PPP1R12A: variants seen among roughly 807,000 people sequenced by gnomAD.
PPP1R12A encodes myosin binding subunit.
Under a neutral mutation model 139.6 loss-of-function variants are expected in PPP1R12A, and 19 were observed. The ratio of observed to expected loss-of-function variants is 0.14; its 90% CI spans 0.09 to 0.20. PPP1R12A has a LOEUF of 0.20. Among genes scored for constraint, PPP1R12A ranks in the 10% least tolerant of loss-of-function variants. The pLI is 1.00. For synonymous variants in PPP1R12A, 427 were observed against 420.6 expected, an observed-to-expected ratio of 1.02 and a Z score of -0.19; for missense variants, 925 against 1,211.5, an observed-to-expected ratio of 0.76 and a Z score of 3.51.
chr12:79,918,503 T>C (rs775994381), intron 1 of PPP1R12A, among the ~76,000 whole-genome samples: 12 of 152,222 alleles, frequency 7.9e-5, no homozygotes, highest in Non-Finnish European at 1.2e-4. Context: ...TACTGCATGC[T>C]GTGAAAAGCA....
chr12:79,852,751 T>G (rs1382896801), intron 2 of PPP1R12A, among the ~76,000 whole-genome samples: 1 of 152,104 alleles, frequency 6.6e-6, no homozygotes, highest in East Asian at 1.9e-4. Flanking sequence ...TCCACTGACA[T>G]GTCTCTGGCT....
intron 1 of PPP1R12A, among the ~76,000 whole-genome samples, chr12:79,912,268 C>T (rs1886633105): frequency 6.6e-6 from 1 of 152,148 alleles, no homozygotes; most frequent in Admixed American, 6.5e-5. Flanking sequence ...TTATATTTTT[C>T]CTTCAAAATA....
Position 79,809,921 on chromosome 12 carries a change from C to T in PPP1R12A, c.1329G>A (p.Thr443=), listed in dbSNP as rs766705054. The T allele has an allele frequency of 9.3e-6, 15 of 1,613,320 alleles. No homozygotes were observed. The highest frequency in any genetic ancestry group is 2.7e-5 in the African/African-American group (2 of 74,892). The change falls in exon 10 of 25, where the codon ACG becomes ACA. Residue 443 remains threonine, a synonymous_variant. Transcript: ENST00000450142. ...PATWRLGLRK[T]GSYGALAEIT... ...TTTCAGCAAGTGCACCATAGCTGCC[C>T]GTCTTTCTAAGTCCTAACCTCCAAG...
intron 9 of PPP1R12A, among the ~76,000 whole-genome samples, chr12:79,816,915 T>C (rs1383067957): frequency 2.0e-5 from 3 of 152,186 alleles, no homozygotes; most frequent in Non-Finnish European, 4.4e-5. Flanking sequence ...TGCCTAGTGC[T>C]TTGTACTATG....
intron 2 of PPP1R12A, among the ~76,000 whole-genome samples, chr12:79,858,814 T>G (rs559775851): frequency 6.6e-6 from 1 of 151,420 alleles, no homozygotes. Context: ...TAGAAAAGAG[T>G]GGAGGATGGA....
At chr12:79,877,293 T>C (rs1883201136) in intron 1 of PPP1R12A, among the ~76,000 whole-genome samples, 1 of 152,126 alleles carries the variant, frequency 6.6e-6, no homozygotes, top group Non-Finnish European at 1.5e-5. Flanking sequence ...ATATAACAGA[T>C]GATAAAAGAA....
At chr12:79,914,720 G>A (rs1320564793) in intron 1 of PPP1R12A, among the ~76,000 whole-genome samples, 1 of 151,746 alleles carries the variant, frequency 6.6e-6, no homozygotes, top group Non-Finnish European at 1.5e-5. Flanking sequence ...TGGATCATTT[G>A]GTCCCTTTCC....
At chr12:79,933,709 A>G (rs541251954) in intron 1 of PPP1R12A, among the ~76,000 whole-genome samples, 2 of 152,348 alleles carry the variant, frequency 1.3e-5, no homozygotes, top group African/African-American at 4.8e-5. Context: ...GGCCTGTTAA[A>G]GGCAAGGCAA....
intron 2 of PPP1R12A, 149 bp from the exon 3 acceptor site, chr12:79,845,569 C>A (rs112133602): frequency 2.2e-4 from 131 of 587,674 alleles, no homozygotes; most frequent in African/African-American, 2.0e-3. Flanking sequence ...TCAGGCCAGG[C>A]GCAGTGGCTC....
At chr12:79,842,696 TTACC>T (rs1248400633) in intron 3 of PPP1R12A, among the ~76,000 whole-genome samples, 2 of 151,538 alleles carry the variant, frequency 1.3e-5, no homozygotes, top group African/African-American at 4.9e-5. Flanking sequence ...AAAATAAAAT[TTACC>T]ATCTTAACTT....
intron 1 of PPP1R12A, among the ~76,000 whole-genome samples, chr12:79,925,747 G>T (rs1887790967): frequency 1.3e-5 from 2 of 152,032 alleles, no homozygotes; most frequent in Non-Finnish European, 1.5e-5. Context: ...GTCTTTTTAT[G>T]GTTAGCCAGC....
In PPP1R12A at chr12:79,845,412, A is replaced by G; in HGVS notation, c.377T>C (p.Ile126Thr). Residue 126 changes from isoleucine to threonine, a missense_variant, in exon 3 of 25, where the codon ATT (isoleucine) becomes ACT (threonine). This residue lies in a region of PPP1R12A where 199 missense variants were observed against 352.4 expected (regional missense o/e 0.56). Coordinates refer to ENST00000450142, the MANE Select transcript of PPP1R12A (RefSeq NM_002480.3). Reference sequence around the variant, plus strand: ...AGCCCCTACATGTGCTCCTTGACCAATCAAAAACCTGTAAAACCAAAGGAA... The same window carrying G: ...AGCCCCTACATGTGCTCCTTGACCAGTCAAAAACCTGTAAAACCAAAGGAA... ...CGYLDIAEFL[I>T]GQGAHVGAVN... The G allele has an allele frequency of 6.2e-7, 1 of 1,606,698 alleles. No individual in the cohort carries two copies. The highest frequency in any genetic ancestry group is 1.1e-5 in the South Asian group (1 of 89,836).
In PPP1R12A at chr12:79,775,810, G is replaced by C. The variant is rs1869648974; in HGVS notation, c.*119C>G. The C allele has an allele frequency of 3.6e-6, 2 of 553,790 alleles. No individual in the cohort carries two copies. The highest frequency in any genetic ancestry group is 5.9e-6 in the Non-Finnish European group (2 of 339,840). 34.3% of individuals were successfully genotyped at this position (553,790 alleles called of 1,614,324 possible). A position where few individuals can be genotyped will look rare whatever the true frequency, so the allele number is the denominator to read the frequency against. On this transcript the variant is annotated 3_prime_UTR_variant, in exon 25 of 25. Transcript: ENST00000450142. ...AAAAATTCTAGATAAGAGGGCATTT[G>C]GCAGGATATCCGAAAATGACAGTCT...
At chr12:79,836,756 G>A (rs1878135591) in intron 3 of PPP1R12A, among the ~76,000 whole-genome samples, 1 of 152,166 alleles carries the variant, frequency 6.6e-6, no homozygotes, top group Non-Finnish European at 1.5e-5. Flanking sequence ...TGCTTTCTAA[G>A]TTCAGTGCTT....
chr12:79,784,137 G>T (rs1206016557), intron 22 of PPP1R12A, among the ~76,000 whole-genome samples: 1 of 151,514 alleles, frequency 6.6e-6, no homozygotes, highest in Non-Finnish European at 1.5e-5. Flanking sequence ...GTGTATTTGT[G>T]AATAGTTATG....
Position 79,776,070 on chromosome 12 carries a change from CATT to C in PPP1R12A, c.3007-58_3007-56del, listed in dbSNP as rs1051807318. On this transcript the variant is annotated intron_variant, in intron 24 of 24. Coordinates refer to ENST00000450142, the MANE Select transcript of PPP1R12A (RefSeq NM_002480.3). ...TTACCTTCAATATTAAAAGATAAAA[CATT>C]ATTCTTAATAAATGTTATATTTTCA... 201 of 1,061,052 alleles carry C rather than the reference CATT, an allele frequency of 1.9e-4. 3 individuals carry two copies. The African/African-American group carries it at 2.9e-3, about 15-fold the overall frequency. The allele number at this position is 1,061,052 out of a possible 1,614,324, so 65.7% of individuals were successfully genotyped here.
At chr12:79,835,220 G>C (rs1197546468) in intron 3 of PPP1R12A, among the ~76,000 whole-genome samples, 3 of 152,106 alleles carry the variant, frequency 2.0e-5, no homozygotes, top group Non-Finnish European at 4.4e-5. Context: ...TGCACCAGTG[G>C]CTCCTTGGGG....
intron 2 of PPP1R12A, among the ~76,000 whole-genome samples, chr12:79,846,019 A>G (rs1879342256): frequency 1.2e-5 from 1 of 85,784 alleles, no homozygotes; most frequent in African/African-American, 3.5e-5. Flanking sequence ...CCCGCAAACA[A>G]GAGTTCTTAA....
intron 14 of PPP1R12A, among the ~76,000 whole-genome samples, chr12:79,799,593 A>G (rs920708770): frequency 1.3e-5 from 2 of 152,236 alleles, no homozygotes; most frequent in South Asian, 2.1e-4. Flanking sequence ...TAAGTAACTG[A>G]TTTTCTGATA....
Sources: gnomAD v4.1 joint callset for allele counts (sites outside exome capture counted in the v4.1 genomes callset) on GRCh38, gnomAD v4.1.1 for gene constraint, gnomAD v4.1.1 regional missense constraint, MANE v1.5 for transcripts, NCBI Gene and HGNC (gene_info 2026-07-23, HGNC 2026-07-21) for gene names.